INPP4B: variants seen among roughly 807,000 people sequenced by gnomAD.
The protein encoded by INPP4B is inositol polyphosphate-4-phosphatase type II B, also known as inositol polyphosphate 4-phosphatase type II.
In INPP4B, 55 loss-of-function variants were observed where a neutral mutation model predicts 122.5. The observed-to-expected ratio is 0.45, with a 90% CI of 0.36 to 0.56. The LOEUF is 0.56. Among genes scored for constraint, INPP4B ranks in the 20% least tolerant of loss-of-function variants. The pLI, the probability that INPP4B is intolerant of heterozygous loss-of-function variation, is 0.00. For synonymous variants in INPP4B, 403 were observed against 388.7 expected (o/e 1.04, Z -0.43); for missense variants, 1,000 against 1,097.7 (o/e 0.91, Z 1.26).
intron 1 of INPP4B, among the ~76,000 whole-genome samples, chr4:142,816,157 G>C (rs750187029): frequency 2.0e-5 from 3 of 152,034 alleles, no homozygotes; most frequent in African/African-American, 4.8e-5. Context: ...CTCTGCCTTT[G>C]TACCCAAGAT....
At chr4:142,089,741 T>C (rs1778604414) in intron 23 of INPP4B, among the ~76,000 whole-genome samples, 1 of 152,176 alleles carries the variant, frequency 6.6e-6, no homozygotes, top group Non-Finnish European at 1.5e-5. Flanking sequence ...AGTGTATACA[T>C]TGCACTCGAA....
intron 1 of INPP4B, among the ~76,000 whole-genome samples, chr4:142,749,659 T>G (rs576139381): frequency 6.6e-5 from 10 of 152,076 alleles, no homozygotes; most frequent in African/African-American, 2.2e-4. Flanking sequence ...TAAAAATTAA[T>G]AGGATTACAA....
intron 4 of INPP4B, 24 bp from the exon 5 acceptor site, chr4:142,429,241 A>G: frequency 2.1e-6 from 3 of 1,396,166 alleles, no homozygotes; most frequent in Non-Finnish European, 3.0e-6. Flanking sequence ...GAGCAAATTC[A>G]GATTTTTAAA....
intron 7 of INPP4B, among the ~76,000 whole-genome samples, chr4:142,389,330 G>C (rs182301159): frequency 1.1e-4 from 16 of 151,786 alleles, no homozygotes; most frequent in Non-Finnish European, 1.6e-4. Flanking sequence ...TTTCAGTGTA[G>C]TTATATATGT....
At chr4:142,806,849 A>AAGAAAGAG (rs1561091771) in intron 1 of INPP4B, among the ~76,000 whole-genome samples, 8 of 150,020 alleles carry the variant, frequency 5.3e-5, no homozygotes, top group African/African-American at 1.5e-4. Flanking sequence ...GAAAGAAAGA[A>AAGAAAGAG]AGGAGAAGAA....
At chr4:142,741,499 A>G (rs1767896437) in intron 1 of INPP4B, among the ~76,000 whole-genome samples, 1 of 152,046 alleles carries the variant, frequency 6.6e-6, no homozygotes, top group African/African-American at 2.4e-5. Context: ...ACATTTCAAC[A>G]TGACATTTGG....
At chr4:142,788,394 C>T (rs148955267) in intron 1 of INPP4B, among the ~76,000 whole-genome samples, 294 of 152,032 alleles carry the variant, frequency 1.9e-3, no homozygotes, top group African/African-American at 6.7e-3. Context: ...TTATAAGAAA[C>T]GTTCTGCCAT....
chr4:142,071,317 C>A (rs1767151614), intron 25 of INPP4B, among the ~76,000 whole-genome samples: 1 of 152,084 alleles, frequency 6.6e-6, no homozygotes, highest in African/African-American at 2.4e-5. Context: ...CTTCCTTAAA[C>A]CTTATACAAA....
intron 2 of INPP4B, among the ~76,000 whole-genome samples, chr4:142,717,125 G>A (rs150380315): frequency 1.5e-3 from 227 of 152,234 alleles, no homozygotes; most frequent in African/African-American, 5.4e-3. Flanking sequence ...AAAATGTATA[G>A]ATTACCAAAT....
chr4:142,324,183 A>G (rs1017460938), intron 7 of INPP4B, among the ~76,000 whole-genome samples: 17 of 152,196 alleles, frequency 1.1e-4, no homozygotes, highest in Admixed American at 1.0e-3. Context: ...CTAAGGAGAG[A>G]GGCTTTGGAG....
chr4:142,686,070 AGGT>A (rs1759306579), intron 2 of INPP4B, among the ~76,000 whole-genome samples: 2 of 152,124 alleles, frequency 1.3e-5, no homozygotes, highest in Non-Finnish European at 2.9e-5. Context: ...CTCTACAACC[AGGT>A]TGGAACTGGG....
At chr4:142,207,938 AC>A (rs1487401942) in intron 14 of INPP4B, among the ~76,000 whole-genome samples, 1 of 152,090 alleles carries the variant, frequency 6.6e-6, no homozygotes, top group Non-Finnish European at 1.5e-5. Context: ...ACAACTGAGT[AC>A]ATTTAAATAC....
chr4:142,238,680 T>C (rs1383451668), intron 11 of INPP4B, among the ~76,000 whole-genome samples: 3 of 152,084 alleles, frequency 2.0e-5, no homozygotes, highest in Admixed American at 6.6e-5. Context: ...GCAGAGAGAC[T>C]GTGAAGAAAC....
In INPP4B at chr4:142,263,680, A is replaced by ATATATATATATATATATATATG. The variant is rs61694410; in HGVS notation, c.616-3117_616-3116insCATATATATATATATATATATA. ...TATATATATATATATATATATATATAACATTGAACAATGACAAGTACTAAT... is the reference window on the plus strand; with the variant it reads ...TATATATATATATATATATATATATATATATATATATATATATATATGACATTGAACAATGACAAGTACTAAT... On this transcript the variant is annotated intron_variant, in intron 10 of 25. Transcript: ENST00000262992. 4.3e-4 allele frequency among the ~76,000 whole-genome samples: 35 copies of ATATATATATATATATATATATG among 81,956 alleles called. 6 individuals are homozygous for ATATATATATATATATATATATG. Among genetic ancestry groups the ATATATATATATATATATATATG allele is most frequent in the Admixed American group, 7.2e-4 (5 of 6,928 alleles). 53.8% of individuals were successfully genotyped at this position (81,956 alleles called of 152,430 possible).
At chr4:142,037,075 C>T (rs778808049) in intron 25 of INPP4B, among the ~76,000 whole-genome samples, 2 of 152,110 alleles carry the variant, frequency 1.3e-5, no homozygotes, top group African/African-American at 2.4e-5. Flanking sequence ...TGGCCATCAC[C>T]GTGGAAGCAA....
At chr4:142,335,995 T>C (rs1776432659) in intron 7 of INPP4B, among the ~76,000 whole-genome samples, 1 of 152,148 alleles carries the variant, frequency 6.6e-6, no homozygotes, top group Non-Finnish European at 1.5e-5. Context: ...AATGGTGCTT[T>C]TTCCAGGCCT....
chr4:142,243,594 C>G lies in INPP4B; in HGVS notation c.689-5583G>C, dbSNP rs550710880. 1.1e-4 allele frequency among the ~76,000 whole-genome samples: 16 copies of G among 152,108 alleles called. No homozygotes were observed. In the South Asian group the frequency reaches 3.3e-3, roughly 31 times the overall value. On this transcript the variant is annotated intron_variant, in intron 11 of 25. Transcript: ENST00000262992. ...TGAGGCAACATCCATTTAAATCACA[C>G]GGAGAAAATATATTTTTGTTGTTAT...
chr4:142,624,856 T>A (rs1580537130), intron 2 of INPP4B, among the ~76,000 whole-genome samples: 1 of 152,140 alleles, frequency 6.6e-6, no homozygotes, highest in African/African-American at 2.4e-5. Flanking sequence ...TAATCCAGCA[T>A]ATAAACAGAA....
intron 12 of INPP4B, among the ~76,000 whole-genome samples, chr4:142,214,082 G>T (rs547707834): frequency 6.6e-6 from 1 of 152,220 alleles, no homozygotes; most frequent in East Asian, 1.9e-4. Flanking sequence ...TTATTTCTAT[G>T]CCATACAGTG....
Sources: allele counts gnomAD v4.1 joint callset (sites outside exome capture counted in the v4.1 genomes callset), GRCh38; gene constraint gnomAD v4.1.1; transcripts MANE v1.5; gene names NCBI Gene and HGNC (gene_info 2026-07-23, HGNC 2026-07-21).